CDH18: variants seen among roughly 807,000 people sequenced by gnomAD.
CDH18 encodes the protein cadherin 18.
CDH18 carries 31 observed loss-of-function variants against 67.9 expected under a neutral mutation model. The ratio of observed to expected loss-of-function variants is 0.46; its 90% CI spans 0.34 to 0.62. The LOEUF is 0.62. Among genes scored for constraint, CDH18 ranks in the 20% least tolerant of loss-of-function variants. The pLI is 0.01. For synonymous variants in CDH18, 362 were observed against 347.2 expected (o/e 1.04, Z -0.48); for missense variants, 890 against 975.5 (o/e 0.91, Z 1.17).
At chr5:19,739,038 C>A (rs569392069) in intron 4 of CDH18, among the ~76,000 whole-genome samples, 1 of 151,598 alleles carries the variant, frequency 6.6e-6, no homozygotes, top group African/African-American at 2.4e-5. Context: ...TTTACAACAA[C>A]GAAGTTAAAG....
At chr5:20,439,506 T>G (rs1749442208) in intron 1 of CDH18, among the ~76,000 whole-genome samples, 1 of 151,534 alleles carries the variant, frequency 6.6e-6, no homozygotes, top group Non-Finnish European at 1.5e-5. Context: ...TGCAATACAC[T>G]GTTATTGTCA....
At chr5:19,489,250 CTTTT>C (rs1237810466) in intron 11 of CDH18, among the ~76,000 whole-genome samples, 1 of 128,122 alleles carries the variant, frequency 7.8e-6, no homozygotes. Context: ...TTTTTTTTTT[CTTTT>C]TTTTTTTTTT....
At chr5:20,230,066 A>G (rs1039440636) in intron 2 of CDH18, among the ~76,000 whole-genome samples, 2 of 152,170 alleles carry the variant, frequency 1.3e-5, no homozygotes, top group African/African-American at 4.8e-5. Flanking sequence ...AATGGGAAAT[A>G]GAACTGATGA....
At chr5:19,625,847 T>C (rs1751458316) in intron 5 of CDH18, among the ~76,000 whole-genome samples, 1 of 152,042 alleles carries the variant, frequency 6.6e-6, no homozygotes. Context: ...TGGGTGGAAC[T>C]TGGGATTCAA....
chr5:20,207,715 C>T (rs941033776), intron 2 of CDH18, among the ~76,000 whole-genome samples: 19 of 152,064 alleles, frequency 1.2e-4, no homozygotes, highest in African/African-American at 4.6e-4. Context: ...ATAGGAGCTA[C>T]AAGATGAGAT....
At chr5:19,973,360 G>T (rs1486291606) in intron 2 of CDH18, among the ~76,000 whole-genome samples, 1 of 152,056 alleles carries the variant, frequency 6.6e-6, no homozygotes, top group Non-Finnish European at 1.5e-5. Flanking sequence ...TTGTAAGAGT[G>T]GTGGTTACCT....
intron 1 of CDH18, among the ~76,000 whole-genome samples, chr5:20,309,944 TTCTA>T (rs574849007): frequency 2.5e-4 from 38 of 152,244 alleles, no homozygotes; most frequent in African/African-American, 8.9e-4. Flanking sequence ...ATTCTAGTAT[TTCTA>T]TCTAAGTTGC....
intron 1 of CDH18, among the ~76,000 whole-genome samples, chr5:20,488,417 G>A (rs534084366): frequency 6.6e-6 from 1 of 151,884 alleles, no homozygotes. Flanking sequence ...GTCATGCAGG[G>A]GATGTGGATT....
chr5:19,782,509 T>C (rs1775240955), intron 3 of CDH18, among the ~76,000 whole-genome samples: 1 of 151,984 alleles, frequency 6.6e-6, no homozygotes, highest in Non-Finnish European at 1.5e-5. Flanking sequence ...GCTTGGTGGA[T>C]TGTGATGTGG....
intron 1 of CDH18, among the ~76,000 whole-genome samples, chr5:20,489,955 T>C (rs1164118061): frequency 6.6e-6 from 1 of 151,734 alleles, no homozygotes; most frequent in Non-Finnish European, 1.5e-5. Flanking sequence ...ACTAGATTTT[T>C]ATTTACATAT....
chr5:19,817,539 A>C (rs1245592337), intron 3 of CDH18, among the ~76,000 whole-genome samples: 1 of 152,088 alleles, frequency 6.6e-6, no homozygotes, highest in African/African-American at 2.4e-5. Flanking sequence ...GAGACTTCCA[A>C]AAACTCATCA....
At chr5:19,623,074 T>G (rs1750961204) in intron 5 of CDH18, among the ~76,000 whole-genome samples, 1 of 152,218 alleles carries the variant, frequency 6.6e-6, no homozygotes, top group East Asian at 1.9e-4. Flanking sequence ...TCTCTTCCTC[T>G]CACTGTCTCT....
At chr5:19,956,057 G>T (rs1017436982) in intron 2 of CDH18, among the ~76,000 whole-genome samples, 1 of 151,992 alleles carries the variant, frequency 6.6e-6, no homozygotes, top group Admixed American at 6.6e-5. Context: ...TTTCATAGTA[G>T]TTAGTGAAAA....
In CDH18 at chr5:20,112,938, T is replaced by A. The variant is rs566428934; in HGVS notation, c.-517-120924A>T. On this transcript the variant is annotated intron_variant, in intron 2 of 14. Transcript: ENST00000507958. Reference sequence around the variant, plus strand: ...AAATTTTTCCCCAACACTGAGAACCTGATGTGGTTAGAATCCTTCTATTGA... The same window carrying A: ...AAATTTTTCCCCAACACTGAGAACCAGATGTGGTTAGAATCCTTCTATTGA... Among the ~76,000 whole-genome samples, 3 of 152,304 alleles carry A rather than the reference T, an allele frequency of 2.0e-5. No homozygotes were observed. The East Asian group carries it at 5.8e-4, about 29-fold the overall frequency.
chr5:19,746,108 C>T (rs1445980390), intron 4 of CDH18, among the ~76,000 whole-genome samples: 1 of 152,076 alleles, frequency 6.6e-6, no homozygotes, highest in South Asian at 2.1e-4. Flanking sequence ...AAAGTATTAT[C>T]GTAGAAGAAC....
chr5:20,437,263 G>A (rs1749242487), intron 1 of CDH18, among the ~76,000 whole-genome samples: 1 of 150,814 alleles, frequency 6.6e-6, no homozygotes, highest in South Asian at 2.1e-4. Flanking sequence ...TAATCCCATA[G>A]CTCCCTTCTT....
chr5:20,255,761 C>T (rs1420668236), intron 1 of CDH18, among the ~76,000 whole-genome samples: 1 of 151,708 alleles, frequency 6.6e-6, no homozygotes, highest in Non-Finnish European at 1.5e-5. Flanking sequence ...GCAATTTAGT[C>T]TTGTTCTTTG....
intron 1 of CDH18, among the ~76,000 whole-genome samples, chr5:20,452,712 C>G (rs1380815710): frequency 6.6e-6 from 1 of 152,014 alleles, no homozygotes; most frequent in Admixed American, 6.6e-5. Flanking sequence ...CCCTATGACA[C>G]AAGTTTACCT....
intron 2 of CDH18, among the ~76,000 whole-genome samples, chr5:20,005,603 C>T (rs1205153163): frequency 6.6e-6 from 1 of 151,668 alleles, no homozygotes; most frequent in Non-Finnish European, 1.5e-5. Flanking sequence ...CATACATATA[C>T]ATATACATAT....
Sources: allele counts gnomAD v4.1 joint callset (sites outside exome capture counted in the v4.1 genomes callset), GRCh38; gene constraint gnomAD v4.1.1; transcripts MANE v1.5; gene names NCBI Gene and HGNC (gene_info 2026-07-23, HGNC 2026-07-21).